EPSTI1: variants seen among roughly 807,000 people sequenced by gnomAD.
EPSTI1 encodes the protein epithelial stromal interaction 1.
EPSTI1 carries 66 observed loss-of-function variants against 49.9 expected under a neutral mutation model. The observed-to-expected ratio is 1.32, with a 90% CI of 1.08 to 1.62. EPSTI1 has a LOEUF of 1.62. Ranked by LOEUF, EPSTI1 falls within the 40% of genes most tolerant of loss-of-function variation. The pLI, the probability that EPSTI1 is intolerant of heterozygous loss-of-function variation, is 0.00. For missense variants in EPSTI1, 394 were observed against 365.5 expected, an observed-to-expected ratio of 1.08 and a Z score of -0.64; for synonymous variants, 137 against 130.7, an observed-to-expected ratio of 1.05 and a Z score of -0.33.
At chr13:42,901,062 C>A (rs1027345271) in intron 8 of EPSTI1, among the ~76,000 whole-genome samples, 1 of 152,094 alleles carries the variant, frequency 6.6e-6, no homozygotes, top group Non-Finnish European at 1.5e-5. Context: ...ACCGAAGAAC[C>A]AATCCCAGGA....
In EPSTI1 at chr13:42,919,336, T is replaced by C. The variant is rs1359704803; in HGVS notation, c.658-1712A>G. ...CCCTAGGCAGGATAGGAAGTTTCTG[T>C]TCAAAAATAATAGAAGGGAATAAAT... is the stretch of plus-strand genomic sequence containing the variant. On this transcript the variant is annotated intron_variant, in intron 7 of 10. Coordinates refer to ENST00000313624, the MANE Select transcript of EPSTI1 (RefSeq NM_033255.5). The C allele has an allele frequency of 3.1e-6, 5 of 1,613,322 alleles. No homozygotes were observed. The Admixed American group carries it at 8.3e-5, about 27-fold the overall frequency.
intron 8 of EPSTI1, among the ~76,000 whole-genome samples, chr13:42,916,610 A>G (rs758451831): frequency 6.6e-6 from 1 of 152,242 alleles, no homozygotes; most frequent in South Asian, 2.1e-4. Context: ...CATAAATTAA[A>G]CCAAATCAAG....
intron 8 of EPSTI1, among the ~76,000 whole-genome samples, chr13:42,909,702 T>G (rs1431446474): frequency 6.6e-6 from 1 of 152,030 alleles, no homozygotes; most frequent in African/African-American, 2.4e-5. Flanking sequence ...CCACATGATA[T>G]CATTTATATA....
chr13:42,970,265 A>G (rs190987629), intron 2 of EPSTI1: 4 of 173,176 alleles, frequency 2.3e-5, no homozygotes, highest in South Asian at 1.9e-4. Flanking sequence ...CTGTACATCA[A>G]TTAAACATGT....
chr13:42,988,517 G>GGTCAGGAGTTTGA (rs1466351525), intron 1 of EPSTI1, among the ~76,000 whole-genome samples: 1 of 152,190 alleles, frequency 6.6e-6, no homozygotes, highest in African/African-American at 2.4e-5. Context: ...CAGATCACAA[G>GGTCAGGAGTTTGA]GTCAGGAGTT....
chr13:42,900,145 A>T (rs57225522), intron 9 of EPSTI1, among the ~76,000 whole-genome samples, 165 bp downstream of exon 9: 9,801 of 152,264 alleles, frequency 0.064, 478 homozygotes, highest in East Asian at 0.19. Context: ...TATATGTAGC[A>T]GTTGGCATAC....
At chr13:42,937,222 T>TAA (rs35996971) in intron 6 of EPSTI1, among the ~76,000 whole-genome samples, 335 of 151,844 alleles carry the variant, frequency 2.2e-3, no homozygotes, top group South Asian at 7.5e-3. Flanking sequence ...ACGTTGTTGC[T>TAA]AAAAAAAATG....
Position 42,926,321 on chromosome 13 carries a change from A to G in EPSTI1, c.657+15T>C. On this transcript the variant is annotated intron_variant, in intron 7 of 10. Coordinates refer to ENST00000313624, the MANE Select transcript of EPSTI1 (RefSeq NM_033255.5). ...AAAATGTGCCAGGCAGCACCCTGCA[A>G]AGTAATTCACTTACCCATGTTGAGG... 1 of 1,510,294 alleles carries G rather than the reference A, an allele frequency of 6.6e-7. No individual in the cohort carries two copies. Among genetic ancestry groups the G allele is most frequent in the Non-Finnish European group, 9.2e-7 (1 of 1,085,036 alleles). The allele number at this position is 1,510,294 out of a possible 1,614,324, so 93.6% of individuals were successfully genotyped here.
chr13:42,908,421 G>A (rs919357958), intron 8 of EPSTI1, among the ~76,000 whole-genome samples: 5 of 150,636 alleles, frequency 3.3e-5, no homozygotes, highest in African/African-American at 9.7e-5. Flanking sequence ...CAAAGGCAGA[G>A]GCCGCAGTGA....
At chr13:42,908,115 G>A (rs897902937) in intron 8 of EPSTI1, among the ~76,000 whole-genome samples, 4 of 152,142 alleles carry the variant, frequency 2.6e-5, no homozygotes, top group South Asian at 2.1e-4. Context: ...TTTCACAAAA[G>A]GCGTTAAAAA....
chr13:42,970,487 A>AT (rs2039738591), intron 2 of EPSTI1, 125 bp downstream of exon 2: 2 of 791,204 alleles, frequency 2.5e-6, no homozygotes, highest in Admixed American at 6.6e-5. Context: ...ACTAAAAAAA[A>AT]CAAAAAACCT....
intron 4 of EPSTI1, chr13:42,963,687 G>A: frequency 3.4e-6 from 1 of 295,966 alleles, no homozygotes; most frequent in South Asian, 8.2e-5. Flanking sequence ...AGTGTTCATT[G>A]TAAAAATCGC....
chr13:42,903,428 G>C (rs1000527684), intron 8 of EPSTI1, among the ~76,000 whole-genome samples: 1 of 152,150 alleles, frequency 6.6e-6, no homozygotes, highest in Non-Finnish European at 1.5e-5. Context: ...AGGATGCAGG[G>C]GGAGGGAGAG....
In EPSTI1 at chr13:42,968,947, CACACACA is replaced by C. The variant is rs1176323682; in HGVS notation, c.331+140_331+146del. The C allele has an allele frequency of 8.5e-5, 60 of 706,740 alleles. No individual in the cohort carries two copies. In the East Asian group the frequency reaches 8.6e-4, roughly 10 times the overall value. The allele number at this position is 706,740 out of a possible 1,614,324, so 43.8% of individuals were successfully genotyped here. On this transcript the variant is annotated intron_variant, in intron 3 of 10. Transcript: ENST00000313624. The stretch of plus-strand genomic sequence containing the variant: ...ACACACACACACACACACACACACA[CACACACA>C]ATTAAATGCATTCCACCCAAGCAGC...
intron 3 of EPSTI1, among the ~76,000 whole-genome samples, chr13:42,966,819 G>A (rs1372274352): frequency 2.4e-5 from 2 of 82,516 alleles, no homozygotes; most frequent in Non-Finnish European, 2.7e-5. Flanking sequence ...TGACAATGGC[G>A]GCTTTGTGGA....
intron 1 of EPSTI1, among the ~76,000 whole-genome samples, chr13:42,980,602 C>T (rs150623442): frequency 6.6e-6 from 1 of 152,272 alleles, no homozygotes; most frequent in African/African-American, 2.4e-5. Context: ...AATTCAATTA[C>T]CTCCCATGGG....
chr13:42,979,572 G>A lies in EPSTI1; in HGVS notation c.189-8902C>T, dbSNP rs1259514269. On this transcript the variant is annotated intron_variant, in intron 1 of 10. Transcript: ENST00000313624. ...TGGACTCCAGCCTGGGCGACAGAGG[G>A]AGACTCCGTCTCAAAAAAAAAAAAA... 1.3e-4 allele frequency among the ~76,000 whole-genome samples: 17 copies of A among 134,260 alleles called. No homozygotes were observed. In the East Asian group the frequency reaches 2.5e-3, roughly 20 times the overall value. 88.1% of individuals were successfully genotyped at this position (134,260 alleles called of 152,430 possible). A position where few individuals can be genotyped will look rare whatever the true frequency, so the allele number is the denominator to read the frequency against.
At chr13:42,940,544 T>G (rs1186488277) in intron 6 of EPSTI1, among the ~76,000 whole-genome samples, 1 of 152,216 alleles carries the variant, frequency 6.6e-6, no homozygotes, top group Non-Finnish European at 1.5e-5. Flanking sequence ...TGACACACAT[T>G]TATCGGTGCT....
intron 7 of EPSTI1, 133 bp downstream of exon 7, chr13:42,926,203 A>C: frequency 3.0e-6 from 2 of 675,680 alleles, no homozygotes; most frequent in Non-Finnish European, 5.5e-6. Context: ...TTGAGGTCAA[A>C]GTTTCGGATC....
Sources: gnomAD v4.1 joint callset for allele counts (sites outside exome capture counted in the v4.1 genomes callset) on GRCh38, gnomAD v4.1.1 for gene constraint, MANE v1.5 for transcripts, NCBI Gene and HGNC (gene_info 2026-07-23, HGNC 2026-07-21) for gene names.